Variants in MOB1A observed in about 807,000 individuals in gnomAD.
MOB1A encodes MOB1 Mps One Binder homolog A.
MOB1A carries 10 observed loss-of-function variants against 25.1 expected under a neutral mutation model. The ratio of observed to expected loss-of-function variants is 0.40; its 90% CI spans 0.25 to 0.68. The LOEUF (loss-of-function observed/expected upper bound fraction) is 0.68. MOB1A is among the 30% of genes least tolerant of loss of function. The pLI, the probability that MOB1A is intolerant of heterozygous loss-of-function variation, is 0.40. For missense variants in MOB1A, 177 were observed against 256.3 expected, an observed-to-expected ratio of 0.69 and a Z score of 2.11; for synonymous variants, 81 against 79.5, an observed-to-expected ratio of 1.02 and a Z score of -0.10.
chr2:74,177,766 C>A (rs1443261927), intron 1 of MOB1A, among the ~76,000 whole-genome samples: 1 of 152,082 alleles, frequency 6.6e-6, no homozygotes, highest in Non-Finnish European at 1.5e-5. Context: ...TATTCAATCA[C>A]AAAACACACA....
At chr2:74,158,196 A>AG (rs1553444321) in intron 5 of MOB1A, among the ~76,000 whole-genome samples, 24,044 of 119,220 alleles carry the variant, frequency 0.2, 2,634 homozygotes, top group East Asian at 0.4. Flanking sequence ...AAAAAAAAAG[A>AG]GGGGGGAAAA....
chr2:74,169,201 T>C (rs570054193), intron 2 of MOB1A, among the ~76,000 whole-genome samples: 2 of 152,340 alleles, frequency 1.3e-5, no homozygotes, highest in Non-Finnish European at 2.9e-5. Context: ...TTTATTATTG[T>C]TATTTTAAAA....
At position 74,178,626 on chromosome 2, in the gene MOB1A, C is replaced by A; in HGVS notation, c.14+35G>T. On this transcript the variant is annotated intron_variant, in intron 1 of 5. Transcript: ENST00000396049. ...GGAGGCCTCCCCCACAACCTCGGCCCGCAGGCCCGGCGCCCGCGGCCCGAC... is the reference window on the plus strand; with the variant it reads ...GGAGGCCTCCCCCACAACCTCGGCCAGCAGGCCCGGCGCCCGCGGCCCGAC... 2.2e-6 allele frequency: 3 copies of A among 1,381,342 alleles called. 1 individual carries two copies. The Middle Eastern group carries it at 6.6e-4, about 304-fold the overall frequency. 85.6% of individuals were successfully genotyped at this position (1,381,342 alleles called of 1,614,324 possible). A position where few individuals can be genotyped will look rare whatever the true frequency, so the allele number is the denominator to read the frequency against.
chr2:74,153,372 A>G lies in MOB1A; in HGVS notation c.*3196T>C, dbSNP rs1404643101. On this transcript the variant is annotated 3_prime_UTR_variant, in exon 6 of 6. Transcript: ENST00000396049. ...CAATCAGGAAACCACAATATTGACA[A>G]AACTTAGTACTACCACCAAGATTGT... 6.6e-6 allele frequency: 1 copy of G among 152,244 alleles called. No individual in the cohort carries two copies. Among genetic ancestry groups the G allele is most frequent in the East Asian group, 1.9e-4 (1 of 5,204 alleles). The allele number at this position is 152,244 out of a possible 1,614,324, so 9.4% of individuals were successfully genotyped here. A position where few individuals can be genotyped will look rare whatever the true frequency, so the allele number is the denominator to read the frequency against.
intron 3 of MOB1A, 89 bp downstream of exon 3, chr2:74,166,925 C>T (rs1355249534): frequency 1.5e-5 from 14 of 939,310 alleles, no homozygotes; most frequent in Admixed American, 2.2e-5. Context: ...TTCACACAAA[C>T]GGATAACAAA....
chr2:74,155,784 G>C lies in MOB1A; in HGVS notation c.*784C>G, dbSNP rs1042906081. 6.6e-6 allele frequency: 1 copy of C among 152,252 alleles called. No homozygotes were observed. The highest frequency in any genetic ancestry group is 2.4e-5 in the African/African-American group (1 of 41,388). 9.4% of individuals were successfully genotyped at this position (152,252 alleles called of 1,614,324 possible). A position where few individuals can be genotyped will look rare whatever the true frequency, so the allele number is the denominator to read the frequency against. ...TTTTCTCAGCCAAAAGCTACTATCT[G>C]AATTAAGCTTTTCAGTTTAAAAGCC... On this transcript the variant is annotated 3_prime_UTR_variant, in exon 6 of 6. Transcript: ENST00000396049.
At chr2:74,178,133 G>C (rs1034389556) in intron 1 of MOB1A, 2 of 152,314 alleles carry the variant, frequency 1.3e-5, no homozygotes, top group Non-Finnish European at 2.9e-5. Context: ...AGAGAAGTTG[G>C]TTAAAATCAA....
chr2:74,169,605 A>G (rs1016981400), intron 2 of MOB1A, among the ~76,000 whole-genome samples: 18 of 152,078 alleles, frequency 1.2e-4, no homozygotes, highest in African/African-American at 4.1e-4. Flanking sequence ...GGGGTTCTCA[A>G]TAATTTTTTT....
chr2:74,159,789 A>G (rs1692907658), intron 4 of MOB1A, among the ~76,000 whole-genome samples: 1 of 151,546 alleles, frequency 6.6e-6, no homozygotes, highest in African/African-American at 2.4e-5. Context: ...AAGTTCAAAA[A>G]TCCTGTAGTT....
At chr2:74,173,371 T>C (rs924835345) in intron 1 of MOB1A, among the ~76,000 whole-genome samples, 15 of 140,190 alleles carry the variant, frequency 1.1e-4, no homozygotes, top group African/African-American at 3.7e-4. Flanking sequence ...TTGGCCTCAA[T>C]TTCGGTTTTT....
Position 74,165,339 on chromosome 2 carries a change from G to A in MOB1A, c.288C>T (p.His96=). The A allele has an allele frequency of 6.5e-7, 1 of 1,539,888 alleles. No individual in the cohort carries two copies. Among genetic ancestry groups the A allele is most frequent in the Non-Finnish European group, 8.7e-7 (1 of 1,145,302 alleles). Residue 96 remains histidine, a synonymous_variant, in exon 4 of 6, where the codon CAC becomes CAT. Coordinates refer to ENST00000396049, the MANE Select transcript of MOB1A (RefSeq NM_018221.5). ...TTTTAATATTAGTACCATCTGCCCA[G>A]TGATATTCATATCTGAAGAGAAAAA... ...VMSAGPRYEY[H]WADGTNIKKP...
chr2:74,178,614 A>C, intron 1 of MOB1A, 47 bp downstream of exon 1: 1 of 1,357,790 alleles, frequency 7.4e-7, no homozygotes, highest in Non-Finnish European at 9.6e-7. Flanking sequence ...GGCCTCCCCC[A>C]CAACCTCGGC....
At chr2:74,178,555 C>T (rs1693544966) in intron 1 of MOB1A, 106 bp downstream of exon 1, 1 of 812,920 alleles carries the variant, frequency 1.2e-6, no homozygotes, top group South Asian at 3.8e-5. Context: ...GCCAGCTACC[C>T]CGCCCCCGCC....
At position 74,172,802 on chromosome 2, in the gene MOB1A, A is replaced by G. The variant is rs1275131933; in HGVS notation, c.15-50T>C. ...ATGAATTTTTAAGACTGGAAGTAGA[A>G]CAGGTAGAACAACATAATTTTAGGT... On this transcript the variant is annotated intron_variant, in intron 1 of 5. Coordinates refer to ENST00000396049, the MANE Select transcript of MOB1A (RefSeq NM_018221.5). The G allele has an allele frequency of 4.6e-6, 7 of 1,538,396 alleles. No individual in the cohort carries two copies. The Admixed American group carries it at 1.1e-4, about 25-fold the overall frequency.
rs149935017 is a variant in MOB1A, at chr2:74,176,592, G to A, written c.14+2069C>T. On this transcript the variant is annotated intron_variant, in intron 1 of 5. Transcript: ENST00000396049. ...ATCTTGGCTAACACGGTGAAACCCCGTCTCTACTAAAAACACAAAATATTA... is the reference window on the plus strand; with the variant it reads ...ATCTTGGCTAACACGGTGAAACCCCATCTCTACTAAAAACACAAAATATTA... Among the ~76,000 whole-genome samples the A allele has an allele frequency of 2.0e-3, 299 of 151,734 alleles. 2 individuals are homozygous for A. The highest frequency in any genetic ancestry group is 6.4e-3 in the African/African-American group (264 of 41,400).
chr2:74,160,247 C>T (rs578076513), intron 4 of MOB1A, among the ~76,000 whole-genome samples: 2 of 152,162 alleles, frequency 1.3e-5, no homozygotes, highest in East Asian at 1.9e-4. Context: ...GTTGAGAGGC[C>T]GTAGTGGACA....
chr2:74,169,730 G>A (rs187078325), intron 2 of MOB1A, among the ~76,000 whole-genome samples: 260 of 151,886 alleles, frequency 1.7e-3, no homozygotes, highest in African/African-American at 5.9e-3. Flanking sequence ...CCAGGTTCAA[G>A]CAATTCTCCT....
chr2:74,176,275 CAAAAAAAAAAAAA>C (rs1201428854), intron 1 of MOB1A, among the ~76,000 whole-genome samples: 5 of 29,610 alleles, frequency 1.7e-4, no homozygotes, highest in South Asian at 1.7e-3. Flanking sequence ...GACCCTGTCT[CAAAAAAAAAAAAA>C]AAAAAAAAAA....
At chr2:74,172,449 G>T in intron 2 of MOB1A, 137 bp downstream of exon 2, 1 of 812,992 alleles carries the variant, frequency 1.2e-6, no homozygotes, top group Non-Finnish European at 1.9e-6. Flanking sequence ...CATAGCTTTG[G>T]ATGTATTTGT....
Sources: gnomAD v4.1 joint callset for allele counts (sites outside exome capture counted in the v4.1 genomes callset) on GRCh38, gnomAD v4.1.1 for gene constraint, MANE v1.5 for transcripts, NCBI Gene and HGNC (gene_info 2026-07-23, HGNC 2026-07-21) for gene names.